The following FAM174A variants were observed in gnomAD, a reference collection of about 807,000 sequenced individuals.
FAM174A encodes family with sequence similarity 174 member A.
FAM174A carries 14 observed loss-of-function variants against 14.3 expected under a neutral mutation model. That is an observed-to-expected ratio of 0.98 (90% CI 0.65 to 1.53). FAM174A has a LOEUF of 1.53. Ranked by LOEUF, FAM174A falls within the 40% of genes most tolerant of loss-of-function variation. The pLI, the probability that FAM174A is intolerant of heterozygous loss-of-function variation, is 0.00. For synonymous variants in FAM174A, 108 were observed against 111.4 expected, an observed-to-expected ratio of 0.97 and a Z score of 0.19; for missense variants, 241 against 249.6, an observed-to-expected ratio of 0.97 and a Z score of 0.23.
chr5:100,557,451 A>C (rs1290656880), intron 1 of FAM174A, among the ~76,000 whole-genome samples: 1 of 152,206 alleles, frequency 6.6e-6, no homozygotes, highest in African/African-American at 2.4e-5. Context: ...CTGGCCTCAT[A>C]AAATGAGTTA....
Position 100,586,211 on chromosome 5 carries a change from T to C in FAM174A, c.*27T>C, listed in dbSNP as rs1439800605. Reference sequence around the variant, plus strand: ...AATGTGCCTTTTGATGAAAGAACTTTATCTTTCTACAATGAAGAGTGGAAT... The same window carrying C: ...AATGTGCCTTTTGATGAAAGAACTTCATCTTTCTACAATGAAGAGTGGAAT... On this transcript the variant is annotated 3_prime_UTR_variant, in exon 3 of 3. Transcript: ENST00000312637. 7.1e-7 allele frequency: 1 copy of C among 1,413,832 alleles called. No homozygotes were observed. 87.6% of individuals were successfully genotyped at this position (1,413,832 alleles called of 1,614,324 possible).
intron 2 of FAM174A, among the ~76,000 whole-genome samples, chr5:100,576,792 T>C (rs1362354253): frequency 6.6e-6 from 1 of 152,226 alleles, no homozygotes; most frequent in Admixed American, 6.5e-5. Flanking sequence ...GCTATTGTTA[T>C]CCTAATTTTG....
At chr5:100,544,313 A>G (rs1746122536) in intron 1 of FAM174A, among the ~76,000 whole-genome samples, 1 of 151,680 alleles carries the variant, frequency 6.6e-6, no homozygotes, top group Non-Finnish European at 1.5e-5. Flanking sequence ...CTGCATTTGT[A>G]CCCCTGCATC....
chr5:100,563,391 C>T (rs1580372264), intron 2 of FAM174A, among the ~76,000 whole-genome samples: 1 of 115,124 alleles, frequency 8.7e-6, no homozygotes, highest in East Asian at 2.0e-4. Context: ...CAAAAACTAT[C>T]TCTTGAGACA....
chr5:100,547,176 G>A (rs774597960), intron 1 of FAM174A, among the ~76,000 whole-genome samples: 2 of 152,056 alleles, frequency 1.3e-5, no homozygotes, highest in Non-Finnish European at 2.9e-5. Context: ...TTTTCAGTGG[G>A]AATAAGTGAT....
At chr5:100,542,197 C>G (rs1397754582) in intron 1 of FAM174A, among the ~76,000 whole-genome samples, 1 of 152,182 alleles carries the variant, frequency 6.6e-6, no homozygotes, top group Admixed American at 6.5e-5. Context: ...TAATGGCCAC[C>G]TCTAAGCTGT....
intron 2 of FAM174A, among the ~76,000 whole-genome samples, chr5:100,580,019 CA>C (rs1469779484): frequency 1.3e-5 from 2 of 152,104 alleles, no homozygotes; most frequent in Admixed American, 6.5e-5. Flanking sequence ...TTTCTACACA[CA>C]AAAAAATTCG....
At chr5:100,545,495 G>A (rs979084770) in intron 1 of FAM174A, among the ~76,000 whole-genome samples, 7 of 151,956 alleles carry the variant, frequency 4.6e-5, no homozygotes, top group African/African-American at 1.7e-4. Context: ...ATTTTGGTTG[G>A]CATGTAATGT....
At chr5:100,542,796 C>A (rs1057137708) in intron 1 of FAM174A, among the ~76,000 whole-genome samples, 8 of 151,900 alleles carry the variant, frequency 5.3e-5, no homozygotes, top group East Asian at 1.9e-4. Flanking sequence ...GAGTTTGAGA[C>A]CAGCTTGGGC....
intron 1 of FAM174A, among the ~76,000 whole-genome samples, chr5:100,554,129 G>A (rs1460451431): frequency 1.3e-5 from 2 of 152,080 alleles, no homozygotes; most frequent in Admixed American, 1.3e-4. Flanking sequence ...CAAAAACTGA[G>A]CAAAAGACTG....
chr5:100,555,365 T>C (rs375989403), intron 1 of FAM174A, among the ~76,000 whole-genome samples: 5 of 152,282 alleles, frequency 3.3e-5, no homozygotes, highest in African/African-American at 7.2e-5. Flanking sequence ...TCTTTGCTAT[T>C]GTGAATAGTG....
chr5:100,566,141 G>GATAGATATAT (rs558236562), intron 2 of FAM174A, among the ~76,000 whole-genome samples: 1,339 of 81,800 alleles, frequency 0.016, 60 homozygotes, highest in Middle Eastern at 0.054. Context: ...TGAAAAGTAT[G>GATAGATATAT]ATATATATAT....
At chr5:100,572,652 T>A (rs1403308607) in intron 2 of FAM174A, among the ~76,000 whole-genome samples, 1 of 152,138 alleles carries the variant, frequency 6.6e-6, no homozygotes, top group Non-Finnish European at 1.5e-5. Flanking sequence ...AGTCTATCAT[T>A]GTTGGACATT....
intron 1 of FAM174A, among the ~76,000 whole-genome samples, chr5:100,551,553 T>A (rs959575416): frequency 2.0e-5 from 3 of 152,194 alleles, no homozygotes; most frequent in African/African-American, 4.8e-5. Flanking sequence ...AAGATCTCCT[T>A]AATTTCCCTT....
At chr5:100,558,790 G>A (rs1380593432) in intron 1 of FAM174A, among the ~76,000 whole-genome samples, 1 of 151,940 alleles carries the variant, frequency 6.6e-6, no homozygotes, top group Admixed American at 6.6e-5. Context: ...CATTTGCTTG[G>A]TAGATCTTCC....
chr5:100,550,391 G>C (rs962054349), intron 1 of FAM174A, among the ~76,000 whole-genome samples: 1 of 152,034 alleles, frequency 6.6e-6, no homozygotes, highest in Non-Finnish European at 1.5e-5. Flanking sequence ...GTTCTTTCAG[G>C]CTTGTTTTAT....
intron 1 of FAM174A, among the ~76,000 whole-genome samples, chr5:100,536,621 C>A (rs1745947504): frequency 6.6e-6 from 1 of 152,014 alleles, no homozygotes; most frequent in Admixed American, 6.6e-5. Flanking sequence ...GAGCCAAGAC[C>A]TCACCATTAG....
intron 2 of FAM174A, among the ~76,000 whole-genome samples, chr5:100,583,884 T>C (rs1382954642): frequency 6.6e-6 from 1 of 152,204 alleles, no homozygotes; most frequent in South Asian, 2.1e-4. Context: ...AACCTTTCCA[T>C]AGCGTACTGG....
chr5:100,567,146 A>G (rs1475374066), intron 2 of FAM174A, among the ~76,000 whole-genome samples: 1 of 151,896 alleles, frequency 6.6e-6, no homozygotes, highest in Non-Finnish European at 1.5e-5. Context: ...AGCATGTTTC[A>G]GGGATAAGAA....
Sources: gnomAD v4.1 joint callset for allele counts (sites outside exome capture counted in the v4.1 genomes callset) on GRCh38, gnomAD v4.1.1 for gene constraint, MANE v1.5 for transcripts, NCBI Gene and HGNC (gene_info 2026-07-23, HGNC 2026-07-21) for gene names.